The following RUSC1 variants were observed in gnomAD, a reference collection of about 807,000 sequenced individuals.
RUSC1 encodes RUN and SH3 domain containing 1.
A neutral mutation model predicts 72.1 loss-of-function variants in RUSC1; 40 were observed. The observed-to-expected ratio is 0.55, with a 90% CI of 0.43 to 0.72. The LOEUF (loss-of-function observed/expected upper bound fraction) is 0.72, where lower values mean the gene tolerates loss of function less well. Ranked by LOEUF, RUSC1 falls within the 30% of genes least tolerant of loss-of-function variation. RUSC1 has a pLI of 0.00. For synonymous variants in RUSC1, 512 were observed against 494.2 expected, an observed-to-expected ratio of 1.04 and a Z score of -0.48; for missense variants, 1,092 against 1,172.3, an observed-to-expected ratio of 0.93 and a Z score of 1.00.
chr1:155,322,469 C>T lies in RUSC1; in HGVS notation c.696C>T (p.Asn232=), dbSNP rs374776482. Reference sequence around the variant, plus strand: ...AAACGGAGCCCAGTTGGAAGATTAACCCAATTTGGAAAATTGACACAGAGA... The same window carrying T: ...AAACGGAGCCCAGTTGGAAGATTAATCCAATTTGGAAAATTGACACAGAGA... ...AGKTEPSWKI[N]PIWKIDTEKT... The change falls in exon 2 of 10, where the codon AAC becomes AAT. Residue 232 remains asparagine (N), a synonymous_variant. Transcript: ENST00000368352. The T allele has an allele frequency of 4.3e-6, 7 of 1,613,612 alleles. No homozygotes were observed. Among genetic ancestry groups the T allele is most frequent in the Middle Eastern group, 1.6e-4 (1 of 6,084 alleles).
intron 2 of RUSC1, 83 bp from the exon 3 acceptor site, chr1:155,324,762 G>T: frequency 6.2e-7 from 1 of 1,606,888 alleles, no homozygotes; most frequent in African/African-American, 1.3e-5. Flanking sequence ...CTGCAGACCC[G>T]CCGGAGACAA....
chr1:155,327,253 G>A (rs888960985), intron 8 of RUSC1, 121 bp downstream of exon 8: 6 of 1,002,064 alleles, frequency 6.0e-6, no homozygotes, highest in African/African-American at 4.9e-5. Context: ...TTTTTCTACA[G>A]CCATGAGCTA....
rs747017052 is a variant in RUSC1 at position 155,320,997 on chromosome 1, G to A, written c.-87+6G>A. 1 of 1,514,554 alleles carries A rather than the reference G, an allele frequency of 6.6e-7. No homozygotes were observed. The highest frequency in any genetic ancestry group is 8.9e-7 in the Non-Finnish European group (1 of 1,118,586). 93.8% of individuals were successfully genotyped at this position (1,514,554 alleles called of 1,614,324 possible). Reference sequence around the variant, plus strand: ...GCGGTTCCAGGAGGACCCTGGTGAGGAGGGCTCGGCCCATGGGTGTAGACC... The same window carrying A: ...GCGGTTCCAGGAGGACCCTGGTGAGAAGGGCTCGGCCCATGGGTGTAGACC... On this transcript the variant is annotated splice_donor_region_variant and intron_variant, in intron 1 of 9. Coordinates refer to ENST00000368352, the MANE Select transcript of RUSC1 (RefSeq NM_001105203.2).
rs904805125 is a variant in RUSC1 at position 155,323,150 on chromosome 1, G to A, written c.1357+20G>A. On this transcript the variant is annotated intron_variant, in intron 2 of 9. Transcript: ENST00000368352. Reference sequence around the variant, plus strand: ...TGGAGGGTAAGAGGTCGCAAGAAGCGGGAGGAGGGCTGGGCTTCGGCCGCT... The same window carrying A: ...TGGAGGGTAAGAGGTCGCAAGAAGCAGGAGGAGGGCTGGGCTTCGGCCGCT... The A allele has an allele frequency of 1.3e-5, 18 of 1,401,814 alleles. 1 individual carries two copies. In the South Asian group the frequency reaches 2.7e-4, roughly 21 times the overall value. The allele number at this position is 1,401,814 out of a possible 1,614,324, so 86.8% of individuals were successfully genotyped here. A position where few individuals can be genotyped will look rare whatever the true frequency, so the allele number is the denominator to read the frequency against.
intron 8 of RUSC1, among the ~76,000 whole-genome samples, chr1:155,327,602 G>A (rs760960081): frequency 2.6e-5 from 4 of 152,152 alleles, no homozygotes; most frequent in Admixed American, 6.6e-5. Context: ...AAAACAGCCT[G>A]GGCAACATGG....
chr1:155,322,212 C>G lies in RUSC1; in HGVS notation c.439C>G (p.Leu147Val). 6.2e-7 allele frequency: 1 copy of G among 1,611,412 alleles called. No homozygotes were observed. Among genetic ancestry groups the G allele is most frequent in the Non-Finnish European group, 8.5e-7 (1 of 1,178,202 alleles). The change falls in exon 2 of 10, where the codon CTG (leucine) becomes GTG (valine). Residue 147 changes from leucine (L) to valine (V), a missense_variant. Physicochemically the swap from Leu to Val is conservative, Grantham distance 32 (BLOSUM62 1). Coordinates refer to ENST00000368352, the MANE Select transcript of RUSC1 (RefSeq NM_001105203.2). ...CATCCCCCTGGAGCAGGGCTCCCCACTGGCTTCAGCAGGCCCTGGCACCTG... is the reference window on the plus strand; with the variant it reads ...CATCCCCCTGGAGCAGGGCTCCCCAGTGGCTTCAGCAGGCCCTGGCACCTG... ...SIIPLEQGSP[L>V]ASAGPGTCSP...
rs986767674 is a variant in RUSC1 at position 155,326,220 on chromosome 1, C to A, written c.1861+310C>A. The stretch of plus-strand genomic sequence containing the variant: ...CTACCTTCTGCCCCTCCTGCTTCCT[C>A]TGAACTATCATTCATCCTTTGAGTC... On this transcript the variant is annotated intron_variant, in intron 7 of 9. Transcript: ENST00000368352. This position sits in a 1 kb window ranked among gnomAD's most constrained non-coding sequence, Gnocchi z 4.7. 2.7e-5 allele frequency: 15 copies of A among 553,048 alleles called. No homozygotes were observed. Among genetic ancestry groups the A allele is most frequent in the African/African-American group, 3.8e-5 (2 of 52,988 alleles). 34.3% of individuals were successfully genotyped at this position (553,048 alleles called of 1,614,324 possible).
rs1651454859 is a variant in RUSC1 at position 155,326,753 on chromosome 1, C to T, written c.2035C>T (p.Pro679Ser). The T allele has an allele frequency of 6.2e-7, 1 of 1,613,170 alleles. No homozygotes were observed. ...CCTGCCCCTGGGCCCACCTCAGGCC[C>T]CTGCCCCTCCAGGCCCACCTCCAGC... ...HHLPLGPPQA[P>S]APPGPPPALQ... The change falls in exon 8 of 10, where the codon CCT (proline) becomes TCT (serine). Residue 679 changes from proline to serine, a missense_variant. By Grantham distance (74) the Pro-to-Ser change is moderately conservative. Coordinates refer to ENST00000368352, the MANE Select transcript of RUSC1 (RefSeq NM_001105203.2). The surrounding 1 kb of genome is among the most constrained non-coding windows in gnomAD (Gnocchi z 4.7).
chr1:155,321,339 C>A (rs1173161237), intron 1 of RUSC1: 1 of 1,373,906 alleles, frequency 7.3e-7, no homozygotes, highest in Non-Finnish European at 9.7e-7. Context: ...TGGGTCCCTT[C>A]CTCTGGGAGT....
chr1:155,324,444 C>T, intron 2 of RUSC1: 3 of 1,612,966 alleles, frequency 1.9e-6, no homozygotes, highest in Non-Finnish European at 2.5e-6. Context: ...CCCCGGGGCT[C>T]CGCAGGCAGG....
intron 9 of RUSC1, among the ~76,000 whole-genome samples, chr1:155,328,749 C>T (rs1651690372): frequency 6.6e-6 from 1 of 152,124 alleles, no homozygotes; most frequent in East Asian, 1.9e-4. Flanking sequence ...CAGGCACATG[C>T]CGCCACGCCC....
In RUSC1 at chr1:155,322,858, C is replaced by T. The variant is rs374342916; in HGVS notation, c.1085C>T (p.Ser362Leu). The T allele has an allele frequency of 3.0e-5, 49 of 1,613,000 alleles. 1 individual carries two copies. Among genetic ancestry groups the T allele is most frequent in the East Asian group, 4.5e-5 (2 of 44,862 alleles). ...LPPSGSPGGS[S>L]APPREVTTFK... ...CCCTCGGGGTCGCCGGGCGGCTCCT[C>T]GGCACCTCCTCGGGAAGTCACCACC... Residue 362 changes from serine to leucine, a missense_variant, in exon 2 of 10, where the codon TCG (serine) becomes TTG (leucine). Physicochemically the swap from Ser to Leu is moderately radical, Grantham distance 145. Transcript: ENST00000368352.
At chr1:155,327,238 G>T in intron 8 of RUSC1, 106 bp downstream of exon 8, 1 of 1,214,208 alleles carries the variant, frequency 8.2e-7, no homozygotes, top group Non-Finnish European at 1.1e-6. Flanking sequence ...GAGATTGGCG[G>T]TCTGTTTTTC....
In RUSC1 at chr1:155,330,467, G is replaced by A. The variant is rs780253976; in HGVS notation, c.2605G>A (p.Glu869Lys). 5 of 1,613,838 alleles carry A rather than the reference G, an allele frequency of 3.1e-6. No homozygotes were observed. Among genetic ancestry groups the A allele is most frequent in the Non-Finnish European group, 4.2e-6 (5 of 1,180,032 alleles). ...RPDQLSFRRG[E>K]VLRVITTVDE... is the part of the protein sequence containing the mutation. ...TGACCAGTTGAGCTTCCGGCGTGGG[G>A]AAGTGCTGCGTGTCATCACCACAGT... The change falls in exon 10 of 10, where the codon GAA (glutamate) becomes AAA (lysine). Residue 869 changes from glutamate to lysine, a missense_variant. Transcript: ENST00000368352.
In RUSC1 at chr1:155,326,395, A is replaced by G. The variant is rs1651412004; in HGVS notation, c.1862-185A>G. Reference sequence around the variant, plus strand: ...CACCACTTGCTGTGTGTGTCTTCCTATTTGGGCTAGGTTCCATGCAGGCGG... The same window carrying G: ...CACCACTTGCTGTGTGTGTCTTCCTGTTTGGGCTAGGTTCCATGCAGGCGG... On this transcript the variant is annotated intron_variant, in intron 7 of 9. Transcript: ENST00000368352. This position sits in a 1 kb window ranked among gnomAD's most constrained non-coding sequence, Gnocchi z 4.7. The G allele has an allele frequency of 4.9e-6, 3 of 611,364 alleles. No homozygotes were observed. The highest frequency in any genetic ancestry group is 8.5e-6 in the Non-Finnish European group (3 of 351,560). The allele number at this position is 611,364 out of a possible 1,614,324, so 37.9% of individuals were successfully genotyped here.
intron 2 of RUSC1, chr1:155,324,286 AG>A: frequency 1.3e-6 from 2 of 1,543,498 alleles, no homozygotes. Flanking sequence ...CGCGGGATGA[AG>A]AGGGCACCCT....
At chr1:155,328,367 A>C in intron 9 of RUSC1, 92 bp downstream of exon 9, 1 of 1,334,872 alleles carries the variant, frequency 7.5e-7, no homozygotes, top group Non-Finnish European at 1.0e-6. Context: ...TGGGCTTTAA[A>C]ATAAGACCGT....
chr1:155,329,033 G>A (rs1651731685), intron 9 of RUSC1, among the ~76,000 whole-genome samples: 1 of 152,050 alleles, frequency 6.6e-6, no homozygotes, highest in Admixed American at 6.6e-5. Context: ...CACCCGGCCA[G>A]GATTCTTTCT....
In RUSC1 at chr1:155,330,660, C is replaced by T. The variant is rs145621229; in HGVS notation, c.*89C>T. On this transcript the variant is annotated 3_prime_UTR_variant, in exon 10 of 10. Transcript: ENST00000368352. ...ACACCATCCCAGAAGCATTTTCCCT[C>T]TGCAAAATGACGTTTCTTCCCACGT... 1.5e-6 allele frequency: 2 copies of T among 1,301,890 alleles called. No individual in the cohort carries two copies. Among genetic ancestry groups the T allele is most frequent in the Non-Finnish European group, 2.1e-6 (2 of 967,336 alleles). The allele number at this position is 1,301,890 out of a possible 1,614,324, so 80.6% of individuals were successfully genotyped here.
Sources: allele counts gnomAD v4.1 joint callset (sites outside exome capture counted in the v4.1 genomes callset), GRCh38; gene constraint gnomAD v4.1.1; non-coding constraint Gnocchi (gnomAD v3.1); transcripts MANE v1.5; gene names NCBI Gene and HGNC (gene_info 2026-07-23, HGNC 2026-07-21).